B3GAT1: variants seen among roughly 807,000 people sequenced by gnomAD.
B3GAT1 encodes the protein beta-1,3-glucuronyltransferase 1, also known as galactosylgalactosylxylosylprotein 3-beta-glucuronosyltransferase 1.
B3GAT1 carries 11 observed loss-of-function variants against 28.4 expected under a neutral mutation model. That is an observed-to-expected ratio of 0.39 (90% CI 0.24 to 0.64). The LOEUF (loss-of-function observed/expected upper bound fraction) is 0.64. B3GAT1 is among the 30% of genes least tolerant of loss of function. B3GAT1 has a pLI of 0.50. For synonymous variants in B3GAT1, 255 were observed against 223.1 expected (o/e 1.14, Z -1.27); for missense variants, 375 against 491.0 (o/e 0.76, Z 2.23).
intron 3 of B3GAT1, 118 bp downstream of exon 3, chr11:134,383,562 C>T: frequency 7.4e-7 from 1 of 1,348,406 alleles, no homozygotes; most frequent in Non-Finnish European, 9.8e-7. Flanking sequence ...GCCCCGCTCC[C>T]AGCCCGGCTT....
At chr11:134,382,064 C>T in intron 4 of B3GAT1, 40 bp from the exon 5 acceptor site, 1 of 1,577,498 alleles carries the variant, frequency 6.3e-7, no homozygotes, top group Non-Finnish European at 8.7e-7. Flanking sequence ...GGACAGGCCC[C>T]TGACCTCACT....
intron 1 of B3GAT1, among the ~76,000 whole-genome samples, chr11:134,402,745 T>A (rs1944644474): frequency 1.3e-5 from 2 of 152,048 alleles, no homozygotes; most frequent in Non-Finnish European, 1.5e-5. Flanking sequence ...AAACCCTGTC[T>A]CTACTGAAAA....
chr11:134,410,848 T>C (rs1350306713), intron 1 of B3GAT1, among the ~76,000 whole-genome samples: 1 of 152,230 alleles, frequency 6.6e-6, no homozygotes, highest in Admixed American at 6.5e-5. Context: ...CAGTGCGTGC[T>C]ACACAGCCCA....
rs1944451292 is a variant in B3GAT1, at chr11:134,393,583, C to T, written c.-281-5643G>A. On this transcript the variant is annotated intron_variant, in intron 1 of 5. Coordinates refer to ENST00000312527, the MANE Select transcript of B3GAT1 (RefSeq NM_054025.3). This position sits in a 1 kb window ranked among gnomAD's most constrained non-coding sequence, Gnocchi z 4.0. ...AACTTGGAGAACTTTTTTCTGGACT[C>T]ACCTTATGAAATTTTCATAGAAACA... is the stretch of plus-strand genomic sequence containing the variant. 6.6e-6 allele frequency among the ~76,000 whole-genome samples: 1 copy of T among 152,234 alleles called. No individual in the cohort carries two copies. Among genetic ancestry groups the T allele is most frequent in the Non-Finnish European group, 1.5e-5 (1 of 68,042 alleles).
rs566101176 is a variant in B3GAT1 at position 134,382,571 on chromosome 11, A to G, written c.918+139T>C. 2.8e-4 allele frequency: 298 copies of G among 1,051,750 alleles called. 1 individual carries two copies. The African/African-American group carries it at 4.4e-3, about 15-fold the overall frequency. 65.2% of individuals were successfully genotyped at this position (1,051,750 alleles called of 1,614,324 possible). A position where few individuals can be genotyped will look rare whatever the true frequency, so the allele number is the denominator to read the frequency against. On this transcript the variant is annotated intron_variant, in intron 4 of 5. Coordinates refer to ENST00000312527, the MANE Select transcript of B3GAT1 (RefSeq NM_054025.3). ...CCGCAGTGTCGCTGCCTTACAGGTG[A>G]TACACTGCCTTCCTGGGAGGGGGTT...
intron 1 of B3GAT1, chr11:134,388,350 C>T (rs936956411): frequency 6.5e-5 from 11 of 168,798 alleles, no homozygotes; most frequent in African/African-American, 2.1e-4. Context: ...GGGTAACTCC[C>T]GTGCAGCCCT....
intron 2 of B3GAT1, chr11:134,384,460 T>G (rs1007239159): frequency 2.1e-6 from 1 of 471,424 alleles, no homozygotes; most frequent in Non-Finnish European, 3.7e-6. Flanking sequence ...GTTGCCCATA[T>G]TCCAAGATTG....
intron 1 of B3GAT1, among the ~76,000 whole-genome samples, chr11:134,407,195 T>C (rs1944751027): frequency 6.6e-6 from 1 of 152,124 alleles, no homozygotes; most frequent in African/African-American, 2.4e-5. Flanking sequence ...TTCTGAACAA[T>C]GGACAAATGA....
intron 4 of B3GAT1, 99 bp from the exon 5 acceptor site, chr11:134,382,123 C>T: frequency 1.1e-6 from 1 of 899,356 alleles, no homozygotes; most frequent in Admixed American, 2.1e-5. Flanking sequence ...TTCTCCTGCC[C>T]CTCCTTTTCC....
rs1419581064 is a variant in B3GAT1 at position 134,411,955 on chromosome 11, TTCA to T, written c.-433_-431del. 6.8e-6 allele frequency: 1 copy of T among 148,002 alleles called. No homozygotes were observed. The highest frequency in any genetic ancestry group is 1.5e-5 in the Non-Finnish European group (1 of 66,506). The allele number at this position is 148,002 out of a possible 1,614,324, so 9.2% of individuals were successfully genotyped here. On this transcript the variant is annotated 5_prime_UTR_variant, in exon 1 of 6. The change abolishes an upstream ATG in the 5' untranslated region. Transcript: ENST00000312527. The surrounding 1 kb of genome is among the most constrained non-coding windows in gnomAD (Gnocchi z 6.0). Reference sequence around the variant, plus strand: ...CGGGCTCCGGGCCCCCGGGGGCCACTTCATAGCCGCGGGGTCCGCGCGCCCGCC... The same window carrying T: ...CGGGCTCCGGGCCCCCGGGGGCCACTTAGCCGCGGGGTCCGCGCGCCCGCC...
chr11:134,411,000 G>C (rs1944842368), intron 1 of B3GAT1, among the ~76,000 whole-genome samples: 1 of 152,344 alleles, frequency 6.6e-6, no homozygotes. Context: ...GGCCTGGCTG[G>C]GGGAGGAAGG....
rs76980200 is a variant in B3GAT1, at chr11:134,407,766, T to G, written c.-282+4041A>C. Among the ~76,000 whole-genome samples, 151 of 151,378 alleles carry G rather than the reference T, an allele frequency of 1.0e-3. 4 individuals carry two copies. The East Asian group carries it at 0.027, about 27-fold the overall frequency. On this transcript the variant is annotated intron_variant, in intron 1 of 5. Coordinates refer to ENST00000312527, the MANE Select transcript of B3GAT1 (RefSeq NM_054025.3). ...AAAAAAAAAGCAACCCACATAACCC[T>G]TCCAAAGCTAAACAGAAAACACTAG...
chr11:134,404,027 A>ATATTTATTTATTTATT (rs1233350965), intron 1 of B3GAT1, among the ~76,000 whole-genome samples: 50 of 106,754 alleles, frequency 4.7e-4, no homozygotes, highest in Admixed American at 6.6e-4. Context: ...ATATATATAT[A>ATATTTATTTATTTATT]TATTTATTAT....
Position 134,387,775 on chromosome 11 carries a change from C to A in B3GAT1, c.-116G>T. 6 of 1,547,482 alleles carry A rather than the reference C, an allele frequency of 3.9e-6. No homozygotes were observed. The highest frequency in any genetic ancestry group is 5.2e-6 in the Non-Finnish European group (6 of 1,149,308). On this transcript the variant is annotated 5_prime_UTR_variant, in exon 2 of 6. Coordinates refer to ENST00000312527, the MANE Select transcript of B3GAT1 (RefSeq NM_054025.3). ...AGAAAAGAACAGGCATGGGCCGGGC[C>A]GGCCAGGCATGGAGAGGACAGAGCA... is the stretch of plus-strand genomic sequence containing the variant.
At position 134,382,947 on chromosome 11, in the gene B3GAT1, G is replaced by A. The variant is rs115362398; in HGVS notation, c.681C>T (p.Tyr227=). Residue 227 remains tyrosine (Y), a synonymous_variant, in exon 4 of 6, where the codon TAC becomes TAT. Coordinates refer to ENST00000312527, the MANE Select transcript of B3GAT1 (RefSeq NM_054025.3). ...CTGCCCCGTTCACCCGTGGGGCCTC[G>A]TACCGCAGGCCACCCACGAAGGCGA... The part of the protein sequence containing the change: ...WPVAFVGGLR[Y]EAPRVNGAGK... 2.7e-3 allele frequency: 4,263 copies of A among 1,606,596 alleles called. 117 individuals carry two copies. The African/African-American group carries it at 0.049, about 18-fold the overall frequency.
rs1944441851 is a variant in B3GAT1, at chr11:134,393,039, TC to T, written c.-281-5100del. On this transcript the variant is annotated intron_variant, in intron 1 of 5. Transcript: ENST00000312527. This position sits in a 1 kb window ranked among gnomAD's most constrained non-coding sequence, Gnocchi z 4.0. Reference sequence around the variant, plus strand: ...GAGCGGAAGAGACGACACAGCTCGCTCCAGTGCAGGTGACGTGTGAACGCAA... The same window carrying T: ...GAGCGGAAGAGACGACACAGCTCGCTCAGTGCAGGTGACGTGTGAACGCAA... Among the ~76,000 whole-genome samples, 1 of 152,168 alleles carries T rather than the reference TC, an allele frequency of 6.6e-6. No individual in the cohort carries two copies. Among genetic ancestry groups the T allele is most frequent in the African/African-American group, 2.4e-5 (1 of 41,432 alleles).
At chr11:134,391,189 A>C (rs1301264797) in intron 1 of B3GAT1, 2 of 152,256 alleles carry the variant, frequency 1.3e-5, no homozygotes, top group African/African-American at 4.8e-5. Context: ...TATGGCTTGA[A>C]AACCCCATAA....
rs779014598 is a variant in B3GAT1, at chr11:134,383,920, C to T, written c.381G>A (p.Thr127=). 20 of 1,595,474 alleles carry T rather than the reference C, an allele frequency of 1.3e-5. No individual in the cohort carries two copies. The East Asian group carries it at 1.6e-4, about 13-fold the overall frequency. Residue 127 remains threonine (T), a synonymous_variant, in exon 3 of 6, where the codon ACG becomes ACA. Transcript: ENST00000312527. ...CGCGCAGCAGGCGCGCGGTCAGCGG[C>T]GTCCGGCGCGGCGCATCCTCCACCA... ...WLVVEDAPRR[T]PLTARLLRDT...
rs549356845 is a variant in B3GAT1, at chr11:134,396,864, G to A, written c.-281-8924C>T. On this transcript the variant is annotated intron_variant, in intron 1 of 5. Coordinates refer to ENST00000312527, the MANE Select transcript of B3GAT1 (RefSeq NM_054025.3). ...GGTGGAGAGGAGAGGGTCTGGGATC[G>A]TCAGAGGAGAAAACACCAGCACGAG... 1.3e-3 allele frequency among the ~76,000 whole-genome samples: 196 copies of A among 152,282 alleles called. 1 individual carries two copies. Among genetic ancestry groups the A allele is most frequent in the African/African-American group, 4.4e-3 (184 of 41,562 alleles).
Sources: gnomAD v4.1 joint callset for allele counts (sites outside exome capture counted in the v4.1 genomes callset) on GRCh38, gnomAD v4.1.1 for gene constraint, Gnocchi (gnomAD v3.1) non-coding constraint, MANE v1.5 for transcripts, NCBI Gene and HGNC (gene_info 2026-07-23, HGNC 2026-07-21) for gene names.